Variants in RNLS observed in about 807,000 individuals in gnomAD.
RNLS encodes renalase, FAD dependent amine oxidase, also known as renalase.
Under a neutral mutation model 39.8 loss-of-function variants are expected in RNLS, and 39 were observed. The ratio of observed to expected loss-of-function variants is 0.98; its 90% CI spans 0.76 to 1.28. The LOEUF (loss-of-function observed/expected upper bound fraction) is 1.28, where lower values mean the gene tolerates loss of function less well. Among genes scored for constraint, RNLS ranks in the 50% most tolerant of loss-of-function variants. The pLI is 0.00. For missense variants in RNLS, 410 were observed against 413.3 expected (o/e 0.99, Z 0.07); for synonymous variants, 147 against 150.7 (o/e 0.98, Z 0.18).
At chr10:88,431,606 T>C (rs1234038850) in intron 4 of RNLS, among the ~76,000 whole-genome samples, 3 of 151,686 alleles carry the variant, frequency 2.0e-5, no homozygotes, top group African/African-American at 7.2e-5. Flanking sequence ...AAGATAAGCA[T>C]TTAGCACATA....
At chr10:88,506,392 T>C (rs1845795200) in intron 4 of RNLS, among the ~76,000 whole-genome samples, 1 of 152,060 alleles carries the variant, frequency 6.6e-6, no homozygotes, top group Admixed American at 6.6e-5. Context: ...TCATTACCTA[T>C]CTTAGATGTA....
intron 4 of RNLS, among the ~76,000 whole-genome samples, chr10:88,426,337 G>A (rs762003422): frequency 3.9e-4 from 59 of 152,052 alleles, no homozygotes; most frequent in Non-Finnish European, 6.9e-4. Flanking sequence ...AGGCCAAGGA[G>A]GGAGTCATCA....
At chr10:88,186,757 C>G in the RNLS span, among the ~76,000 whole-genome samples, 52 of 151,918 alleles carry the variant, frequency 3.4e-4, no homozygotes, top group African/African-American at 1.2e-3. Context: ...AAATTTTGAG[C>G]AAAATTTAAA....
At chr10:88,303,483 G>C (rs1486079807) in intron 6 of RNLS, among the ~76,000 whole-genome samples, 1 of 152,178 alleles carries the variant, frequency 6.6e-6, no homozygotes, top group Non-Finnish European at 1.5e-5. Flanking sequence ...CTGGTGGACT[G>C]TGCCTGACGA....
Position 88,532,667 on chromosome 10 carries a change from T to C in RNLS, c.526+40236A>G, listed in dbSNP as rs535421584. 1.4e-4 allele frequency among the ~76,000 whole-genome samples: 21 copies of C among 152,148 alleles called. No individual in the cohort carries two copies. The East Asian group carries it at 3.5e-3, about 25-fold the overall frequency. ...AACAGTTAAACCATCGTAAATTCTA[T>C]AGAAATCCTAAGGATAAAGTGTTAG... On this transcript the variant is annotated intron_variant, in intron 4 of 6. Transcript: ENST00000331772.
At chr10:88,280,326 G>A (rs553637545), downstream of RNLS, among the ~76,000 whole-genome samples, 2 of 152,186 alleles carry the variant, frequency 1.3e-5, no homozygotes, top group East Asian at 1.9e-4. Flanking sequence ...AGATTAAAGC[G>A]CAGATCTAAC....
the RNLS span, among the ~76,000 whole-genome samples, chr10:88,203,248 GTGT>G: frequency 3.5e-5 from 1 of 28,228 alleles, no homozygotes; most frequent in Non-Finnish European, 5.9e-5. Flanking sequence ...GTGTGTGTGT[GTGT>G]GTGTGTGTGT....
intron 5 of RNLS, among the ~76,000 whole-genome samples, chr10:88,331,790 T>TA: frequency 6.6e-6 from 1 of 152,248 alleles, no homozygotes; most frequent in African/African-American, 2.4e-5. Context: ...CCACGAGAGT[T>TA]ACTACAATTT....
intron 4 of RNLS, among the ~76,000 whole-genome samples, chr10:88,399,996 G>A (rs1055102547): frequency 1.4e-4 from 21 of 151,848 alleles, no homozygotes; most frequent in African/African-American, 1.9e-4. Context: ...TATTTCACTC[G>A]AATCTCTTAC....
At chr10:88,172,345 T>C in the RNLS span, among the ~76,000 whole-genome samples, 7 of 152,230 alleles carry the variant, frequency 4.6e-5, no homozygotes, top group South Asian at 1.0e-3. Context: ...TGATATTTTT[T>C]TTGTCTTTCT....
chr10:88,248,715 C>T, the RNLS span, among the ~76,000 whole-genome samples: 1 of 152,154 alleles, frequency 6.6e-6, no homozygotes, highest in Non-Finnish European at 1.5e-5. Flanking sequence ...CCCTCCCTCC[C>T]ACCAAGATGT....
chr10:88,277,410 T>C (rs1282536222), intron 6 of RNLS, among the ~76,000 whole-genome samples: 1 of 152,088 alleles, frequency 6.6e-6, no homozygotes, highest in African/African-American at 2.4e-5. Context: ...CAAACCAACA[T>C]GGCACATGTA....
Position 88,349,347 on chromosome 10 carries a change from G to A in RNLS, c.700+13205C>T, listed in dbSNP as rs141620318. Among the ~76,000 whole-genome samples, 99 of 152,282 alleles carry A rather than the reference G, an allele frequency of 6.5e-4. 1 individual carries two copies. In the East Asian group the frequency reaches 9.6e-3, roughly 15 times the overall value. On this transcript the variant is annotated intron_variant, in intron 5 of 6. Coordinates refer to ENST00000331772, the MANE Select transcript of RNLS (RefSeq NM_001031709.3). ...CTTAGATGTAAATCTTTCCCCTTGA[G>A]GATAACTTGACAGGGAAACTAGAGG...
At chr10:88,385,460 A>G (rs1436109877) in intron 4 of RNLS, among the ~76,000 whole-genome samples, 1 of 152,238 alleles carries the variant, frequency 6.6e-6, no homozygotes, top group Non-Finnish European at 1.5e-5. Flanking sequence ...CCGGCAGCCT[A>G]GACATGGTAG....
At chr10:88,239,099 C>CAACGAA in the RNLS span, among the ~76,000 whole-genome samples, 2 of 152,046 alleles carry the variant, frequency 1.3e-5, no homozygotes, top group African/African-American at 4.8e-5. Flanking sequence ...CAACGAATTG[C>CAACGAA]TTAATGATTT....
chr10:88,258,790 C>T, the RNLS span, among the ~76,000 whole-genome samples: 5 of 152,270 alleles, frequency 3.3e-5, no homozygotes, highest in African/African-American at 1.2e-4. Flanking sequence ...GAACTCTTAC[C>T]TTAGGAGTTT....
At chr10:88,569,275 A>C (rs960563613) in intron 4 of RNLS, among the ~76,000 whole-genome samples, 7 of 152,114 alleles carry the variant, frequency 4.6e-5, no homozygotes, top group African/African-American at 1.4e-4. Context: ...TTAGATATTT[A>C]AGGTTTTAAC....
intron 6 of RNLS, among the ~76,000 whole-genome samples, chr10:88,309,788 G>C (rs996052088): frequency 3.9e-5 from 6 of 152,160 alleles, no homozygotes; most frequent in Admixed American, 1.3e-4. Context: ...GAGAGGATTC[G>C]AGGGAGTTTT....
the RNLS span, among the ~76,000 whole-genome samples, chr10:88,229,541 C>T: frequency 6.6e-6 from 1 of 152,170 alleles, no homozygotes; most frequent in African/African-American, 2.4e-5. Context: ...TGTAAGTCAC[C>T]TATTTAAAGT....
Sources: allele counts gnomAD v4.1 joint callset (sites outside exome capture counted in the v4.1 genomes callset), GRCh38; gene constraint gnomAD v4.1.1; transcripts MANE v1.5; gene names NCBI Gene and HGNC (gene_info 2026-07-23, HGNC 2026-07-21).